CNTNAP4: variants seen among roughly 807,000 people sequenced by gnomAD.
CNTNAP4 encodes the protein contactin associated protein family member 4, also known as contactin-associated protein-like 4.
In CNTNAP4, 98 loss-of-function variants were observed where a neutral mutation model predicts 148.4. That is an observed-to-expected ratio of 0.66 (90% CI 0.56 to 0.78). CNTNAP4 has a LOEUF of 0.78. CNTNAP4 is among the 30% of genes least tolerant of loss of function. CNTNAP4 has a pLI of 0.00. For missense variants in CNTNAP4, 1,935 were observed against 1,565.6 expected (o/e 1.24, Z -3.98); for synonymous variants, 730 against 565.1 (o/e 1.29, Z -4.14).
intron 3 of CNTNAP4, among the ~76,000 whole-genome samples, chr16:76,417,774 T>A (rs1003031967): frequency 6.6e-6 from 1 of 151,652 alleles, no homozygotes; most frequent in East Asian, 1.9e-4. Flanking sequence ...ACATTTCTTA[T>A]AGGGAAGGAA....
chr16:76,345,671 C>A (rs1430222651), intron 2 of CNTNAP4, among the ~76,000 whole-genome samples: 1 of 152,170 alleles, frequency 6.6e-6, no homozygotes, highest in Non-Finnish European at 1.5e-5. Context: ...GATGGAAGTC[C>A]TGTCTTTCTT....
intron 1 of CNTNAP4, among the ~76,000 whole-genome samples, chr16:76,295,160 G>A (rs1055554424): frequency 2.6e-5 from 4 of 152,166 alleles, no homozygotes; most frequent in Non-Finnish European, 5.9e-5. Context: ...CATCAGATGT[G>A]AGCAGTGGGA....
chr16:76,490,089 T>G (rs969833070), intron 13 of CNTNAP4, among the ~76,000 whole-genome samples: 1 of 152,174 alleles, frequency 6.6e-6, no homozygotes, highest in Non-Finnish European at 1.5e-5. Context: ...ACACTGAGCT[T>G]TATTCAAAGC....
intron 8 of CNTNAP4, among the ~76,000 whole-genome samples, chr16:76,458,421 A>C (rs1344511235): frequency 6.6e-6 from 1 of 152,070 alleles, no homozygotes; most frequent in Non-Finnish European, 1.5e-5. Flanking sequence ...TTATTATTGT[A>C]ATATATAGTG....
intron 14 of CNTNAP4, among the ~76,000 whole-genome samples, chr16:76,496,606 G>C (rs2082410609): frequency 6.6e-6 from 1 of 152,074 alleles, no homozygotes; most frequent in Admixed American, 6.5e-5. Context: ...TGAAAATTAA[G>C]CAAAATTCAC....
chr16:76,408,453 G>C (rs770613788), intron 3 of CNTNAP4, among the ~76,000 whole-genome samples: 2 of 143,920 alleles, frequency 1.4e-5, no homozygotes, highest in African/African-American at 2.9e-5. Flanking sequence ...CAAGTAAACA[G>C]AGTAGCAAAA....
chr16:76,317,020 C>G (rs996397818), intron 2 of CNTNAP4, among the ~76,000 whole-genome samples: 1 of 151,874 alleles, frequency 6.6e-6, no homozygotes, highest in East Asian at 1.9e-4. Context: ...AATGCCAACA[C>G]TTTAGGAGGC....
At chr16:76,442,822 T>A (rs1353476475) in intron 4 of CNTNAP4, among the ~76,000 whole-genome samples, 2 of 152,074 alleles carry the variant, frequency 1.3e-5, no homozygotes, top group Non-Finnish European at 2.9e-5. Context: ...GGGAACAAAT[T>A]TCAATATGAG....
At chr16:76,552,324 C>T (rs1255019735) in intron 21 of CNTNAP4, among the ~76,000 whole-genome samples, 1 of 152,084 alleles carries the variant, frequency 6.6e-6, no homozygotes, top group African/African-American at 2.4e-5. Context: ...TGGATGGGGA[C>T]ACAGAGCCAA....
At chr16:76,427,644 G>C (rs556994880) in intron 4 of CNTNAP4, 45 bp downstream of exon 4, 9 of 1,499,852 alleles carry the variant, frequency 6.0e-6, no homozygotes, top group African/African-American at 5.6e-5. Context: ...TATCAAAAGA[G>C]ATGTTTTAAA....
At chr16:76,489,628 TA>T in intron 12 of CNTNAP4, 57 bp from the exon 13 acceptor site, 2 of 944,928 alleles carry the variant, frequency 2.1e-6, no homozygotes, top group Non-Finnish European at 2.9e-6. Flanking sequence ...TTATTTATTT[TA>T]ACTTTTGCAG....
intron 3 of CNTNAP4, among the ~76,000 whole-genome samples, chr16:76,356,861 T>G (rs1486254193): frequency 6.6e-6 from 1 of 152,152 alleles, no homozygotes; most frequent in Non-Finnish European, 1.5e-5. Context: ...TTTGTATGTT[T>G]AAAGCTCTTG....
At chr16:76,300,728 C>G (rs1346714600) in intron 1 of CNTNAP4, among the ~76,000 whole-genome samples, 1 of 151,976 alleles carries the variant, frequency 6.6e-6, no homozygotes, top group Non-Finnish European at 1.5e-5. Flanking sequence ...ATACATGTAA[C>G]TATAATTAAC....
intron 11 of CNTNAP4, 86 bp from the exon 12 acceptor site, chr16:76,479,333 C>G (rs1945292639): frequency 2.4e-6 from 3 of 1,230,340 alleles, no homozygotes; most frequent in Non-Finnish European, 3.3e-6. Flanking sequence ...TTTTAAATTT[C>G]AAGATTTGCG....
At chr16:76,518,405 G>A (rs1275589060) in intron 15 of CNTNAP4, among the ~76,000 whole-genome samples, 4 of 152,134 alleles carry the variant, frequency 2.6e-5, no homozygotes, top group Admixed American at 2.6e-4. Context: ...TGGGATTACA[G>A]GCATGAGCCA....
At chr16:76,397,414 A>C (rs571544488) in intron 3 of CNTNAP4, among the ~76,000 whole-genome samples, 133 of 152,154 alleles carry the variant, frequency 8.7e-4, no homozygotes, top group African/African-American at 3.0e-3. Flanking sequence ...TGGGACAAGC[A>C]GAAACAGTAA....
At position 76,467,539 on chromosome 16, in the gene CNTNAP4, C is replaced by G. The variant is rs745741087; in HGVS notation, c.1655+16C>G. The G allele has an allele frequency of 6.4e-5, 101 of 1,572,370 alleles. No individual in the cohort carries two copies. The highest frequency in any genetic ancestry group is 8.4e-5 in the Non-Finnish European group (98 of 1,161,600). On this transcript the variant is annotated intron_variant, in intron 10 of 23. Coordinates refer to ENST00000611870, the MANE Select transcript of CNTNAP4 (RefSeq NM_033401.5). Reference sequence around the variant, plus strand: ...TCTCAGACAGGTAAGGGCAATCTCACTTCATTTTGACCTGCTTTCAAACTT... The same window carrying G: ...TCTCAGACAGGTAAGGGCAATCTCAGTTCATTTTGACCTGCTTTCAAACTT...
In CNTNAP4 at chr16:76,498,622, G is replaced by A. The variant is rs765840311; in HGVS notation, c.2293G>A (p.Val765Met). Residue 765 changes from valine to methionine, a missense_variant, in exon 15 of 24, where the codon GTG becomes ATG. Coordinates refer to ENST00000611870, the MANE Select transcript of CNTNAP4 (RefSeq NM_033401.5). ...AGAACATCTTCCAGTAACTAAGATC[G>A]TGATTACAGACACAGGCCGACTGCA... is the stretch of plus-strand genomic sequence containing the variant. ...YKEHLPVTKIVITDTGRLHSE... is the reference protein window; with the variant it reads ...YKEHLPVTKIMITDTGRLHSE... The A allele has an allele frequency of 3.7e-6, 6 of 1,612,624 alleles. No homozygotes were observed. The highest frequency in any genetic ancestry group is 2.2e-5 in the East Asian group (1 of 44,840).
intron 1 of CNTNAP4, among the ~76,000 whole-genome samples, chr16:76,301,866 G>A (rs1018639391): frequency 6.6e-6 from 1 of 152,116 alleles, no homozygotes; most frequent in African/African-American, 2.4e-5. Context: ...GGTTGGTTTT[G>A]CACAGGAATA....
Sources: gnomAD v4.1 joint callset for allele counts (sites outside exome capture counted in the v4.1 genomes callset) on GRCh38, gnomAD v4.1.1 for gene constraint, MANE v1.5 for transcripts, NCBI Gene and HGNC (gene_info 2026-07-23, HGNC 2026-07-21) for gene names.